PDE3B: variants seen among roughly 807,000 people sequenced by gnomAD.
The protein encoded by PDE3B is cGMP-inhibited 3',5'-cyclic phosphodiesterase 3B.
Under a neutral mutation model 116.8 loss-of-function variants are expected in PDE3B, and 66 were observed. The observed-to-expected ratio is 0.56, with a 90% CI of 0.46 to 0.69. PDE3B has a LOEUF of 0.69. Among genes scored for constraint, PDE3B ranks in the 30% least tolerant of loss-of-function variants. The probability of loss-of-function intolerance (pLI) is 0.00; values close to 1 mark genes in which losing one functional copy is unlikely to be tolerated. For missense variants in PDE3B, 1,384 were observed against 1,368.1 expected (o/e 1.01, Z -0.18); for synonymous variants, 595 against 533.6 (o/e 1.12, Z -1.59).
intron 2 of PDE3B, chr11:14,774,366 G>T (rs545230549): frequency 7.4e-4 from 113 of 152,220 alleles, no homozygotes; most frequent in African/African-American, 2.0e-3. Flanking sequence ...ATTAATATGT[G>T]CCTGGTACTT....
chr11:14,853,670 G>A (rs1159309805), intron 12 of PDE3B, among the ~76,000 whole-genome samples: 3 of 152,116 alleles, frequency 2.0e-5, no homozygotes, highest in Non-Finnish European at 4.4e-5. Context: ...CCACCAGCTG[G>A]GTCAAGCATT....
At chr11:14,867,790 A>T (rs1374862118) in intron 15 of PDE3B, 32 bp downstream of exon 15, 12 of 1,571,500 alleles carry the variant, frequency 7.6e-6, no homozygotes, top group East Asian at 2.3e-5. Context: ...AATTTATTTA[A>T]TGTTATAGGT....
At chr11:14,654,176 A>G (rs1386601022) in intron 1 of PDE3B, among the ~76,000 whole-genome samples, 2 of 152,354 alleles carry the variant, frequency 1.3e-5, no homozygotes, top group East Asian at 3.9e-4. Flanking sequence ...TAAAGAACTG[A>G]TGAAAAATGC....
chr11:14,821,894 T>G (rs935423463), intron 7 of PDE3B, among the ~76,000 whole-genome samples: 1 of 151,952 alleles, frequency 6.6e-6, no homozygotes, highest in African/African-American at 2.4e-5. Context: ...CTCCAATGAT[T>G]ACTCTTAAGA....
chr11:14,879,174 G>A, the PDE3B span: 12 of 1,613,146 alleles, frequency 7.4e-6, no homozygotes, highest in African/African-American at 1.5e-4. Context: ...TCCAGAAATC[G>A]CTCAGGATGG....
At chr11:14,660,162 G>A (rs1853847453) in intron 1 of PDE3B, among the ~76,000 whole-genome samples, 1 of 152,162 alleles carries the variant, frequency 6.6e-6, no homozygotes, top group African/African-American at 2.4e-5. Flanking sequence ...AGAGGATGTA[G>A]AGTTTACGAG....
rs149842797 is a variant in PDE3B at position 14,658,967 on chromosome 11, C to T, written c.978+13914C>T. 1.8e-3 allele frequency among the ~76,000 whole-genome samples: 273 copies of T among 152,132 alleles called. 2 individuals carry two copies. The highest frequency in any genetic ancestry group is 6.0e-3 in the African/African-American group (250 of 41,498). On this transcript the variant is annotated intron_variant, in intron 1 of 15. Coordinates refer to ENST00000282096, the MANE Select transcript of PDE3B (RefSeq NM_000922.4). ...TAAATACTGTTTTTTTAAATCACTT[C>T]GCAGGACATTTTTTTCCTAGTTGAT...
intron 7 of PDE3B, among the ~76,000 whole-genome samples, chr11:14,822,767 C>T (rs1278485955): frequency 2.0e-5 from 3 of 152,186 alleles, no homozygotes; most frequent in African/African-American, 7.2e-5. Flanking sequence ...CCCATACAGA[C>T]CCCTAAGAAG....
chr11:14,762,035 G>A (rs1180533106), intron 1 of PDE3B, among the ~76,000 whole-genome samples: 8 of 152,008 alleles, frequency 5.3e-5, no homozygotes, highest in African/African-American at 1.7e-4. Context: ...AGCTGGGTGT[G>A]GTGGTTCATG....
chr11:14,886,052 A>G, the PDE3B span: 3 of 828,886 alleles, frequency 3.6e-6, no homozygotes, highest in East Asian at 5.3e-5. Flanking sequence ...TTATTACTCA[A>G]CTGACAATGT....
chr11:14,643,996 G>C lies in PDE3B; in HGVS notation c.-80G>C. 7.2e-7 allele frequency: 1 copy of C among 1,380,034 alleles called. No homozygotes were observed. The highest frequency in any genetic ancestry group is 9.3e-7 in the Non-Finnish European group (1 of 1,075,128). 85.5% of individuals were successfully genotyped at this position (1,380,034 alleles called of 1,614,324 possible). On this transcript the variant is annotated 5_prime_UTR_variant, in exon 1 of 16. Transcript: ENST00000282096. ...AACCAGGGGGCGCCCCGAACGCGGG[G>C]GTTGGGGTCTGGGAGCGCGAGCGGC...
chr11:14,697,776 G>C (rs2133813855), intron 1 of PDE3B, among the ~76,000 whole-genome samples: 1 of 151,952 alleles, frequency 6.6e-6, no homozygotes, highest in East Asian at 1.9e-4. Context: ...GTTTTCAGTT[G>C]TAGATGTCTT....
intron 12 of PDE3B, among the ~76,000 whole-genome samples, chr11:14,857,182 A>C (rs1025631775): frequency 1.3e-5 from 2 of 152,242 alleles, no homozygotes; most frequent in Non-Finnish European, 2.9e-5. Flanking sequence ...AGAAGGATCT[A>C]TAGCTAGAAA....
At chr11:14,884,697 T>G in the PDE3B span, among the ~76,000 whole-genome samples, 1 of 151,744 alleles carries the variant, frequency 6.6e-6, no homozygotes, top group South Asian at 2.1e-4. Flanking sequence ...TTTAAAAAAA[T>G]AAAAATTAAA....
At chr11:14,847,518 C>CA (rs1847636397) in intron 12 of PDE3B, among the ~76,000 whole-genome samples, 2 of 151,266 alleles carry the variant, frequency 1.3e-5, no homozygotes, top group Non-Finnish European at 2.9e-5. Flanking sequence ...AATAGAGACA[C>CA]AAAAAACCCT....
rs148022286 is a variant in PDE3B at position 14,788,794 on chromosome 11, A to G, written c.1279-312A>G. 1.0e-2 allele frequency: 1,838 copies of G among 184,512 alleles called. 15 individuals are homozygous for G. Among genetic ancestry groups the G allele is most frequent in the Non-Finnish European group, 0.012 (1,070 of 89,854 alleles). The allele number at this position is 184,512 out of a possible 1,614,324, so 11.4% of individuals were successfully genotyped here. A position where few individuals can be genotyped will look rare whatever the true frequency, so the allele number is the denominator to read the frequency against. ...CCTCTGAAGTTGATTTTCAGGGTAA[A>G]TCTTTCATATCCACTTTTTAAATTG... On this transcript the variant is annotated intron_variant, in intron 3 of 15. Transcript: ENST00000282096.
rs1848143526 is a variant in PDE3B, at chr11:14,871,663, A to G, written c.*2003A>G. The G allele has an allele frequency of 6.6e-6, 1 of 152,158 alleles. No individual in the cohort carries two copies. Among genetic ancestry groups the G allele is most frequent in the African/African-American group, 2.4e-5 (1 of 41,444 alleles). The allele number at this position is 152,158 out of a possible 1,614,324, so 9.4% of individuals were successfully genotyped here. On this transcript the variant is annotated 3_prime_UTR_variant, in exon 16 of 16. Transcript: ENST00000282096. ...GGATTTAATTATAAATCCAATTACT[A>G]CTGGAAACTCATTTTTACATAATAT...
intron 14 of PDE3B, among the ~76,000 whole-genome samples, chr11:14,862,857 C>T (rs1456068453): frequency 2.0e-5 from 3 of 152,130 alleles, no homozygotes; most frequent in African/African-American, 7.2e-5. Context: ...CAGACATAAG[C>T]CACTGTGCCC....
chr11:14,891,178 C>T, the PDE3B span: 20 of 985,384 alleles, frequency 2.0e-5, no homozygotes, highest in African/African-American at 3.1e-4. Context: ...GCCTTTTCCG[C>T]TGCCAGTCAC....
Sources: allele counts gnomAD v4.1 joint callset (sites outside exome capture counted in the v4.1 genomes callset), GRCh38; gene constraint gnomAD v4.1.1; transcripts MANE v1.5; gene names NCBI Gene and HGNC (gene_info 2026-07-23, HGNC 2026-07-21).